Variants in PAXIP1 observed in about 807,000 individuals in gnomAD.
PAXIP1 encodes the protein PAX-interacting protein 1.
A neutral mutation model predicts 140.6 loss-of-function variants in PAXIP1; 19 were observed. That is an observed-to-expected ratio of 0.14 (90% CI 0.09 to 0.20). PAXIP1 has a LOEUF of 0.20. PAXIP1 is among the 10% of genes least tolerant of loss of function. The pLI is 1.00. For synonymous variants in PAXIP1, 442 were observed against 444.6 expected, an observed-to-expected ratio of 0.99 and a Z score of 0.07; for missense variants, 920 against 1,208.6, an observed-to-expected ratio of 0.76 and a Z score of 3.54.
Position 154,963,561 on chromosome 7 carries a change from T to A in PAXIP1, c.1989+110A>T, listed in dbSNP as rs1281099316. 8 of 702,020 alleles carry A rather than the reference T, an allele frequency of 1.1e-5. No homozygotes were observed. Among genetic ancestry groups the A allele is most frequent in the Non-Finnish European group, 1.5e-5 (6 of 399,166 alleles). The allele number at this position is 702,020 out of a possible 1,614,324, so 43.5% of individuals were successfully genotyped here. ...ACAGGAAGAAGGAATTTTCCTATCT[T>A]TAGAGGTAGAAAAAAGTTCTTTCCA... On this transcript the variant is annotated intron_variant, in intron 9 of 20. Transcript: ENST00000404141. This position sits in a 1 kb window ranked among gnomAD's most constrained non-coding sequence, Gnocchi z 4.1.
intron 5 of PAXIP1, 63 bp downstream of exon 5, chr7:154,983,156 A>T: frequency 1.3e-6 from 1 of 754,570 alleles, no homozygotes; most frequent in Non-Finnish European, 2.2e-6. Context: ...CTCAAAAAAG[A>T]CATGTGATTA....
At chr7:154,996,706 T>C (rs1563392495) in intron 2 of PAXIP1, among the ~76,000 whole-genome samples, 1 of 152,208 alleles carries the variant, frequency 6.6e-6, no homozygotes, top group Non-Finnish European at 1.5e-5. Context: ...GAAATATATA[T>C]TTATTATTTA....
At chr7:154,989,758 T>A (rs1388767374) in intron 4 of PAXIP1, among the ~76,000 whole-genome samples, 1 of 152,206 alleles carries the variant, frequency 6.6e-6, no homozygotes, top group Non-Finnish European at 1.5e-5. Flanking sequence ...TTTCAGATAT[T>A]TTATCTGGCT....
At chr7:154,987,003 G>A (rs1464844962) in intron 4 of PAXIP1, among the ~76,000 whole-genome samples, 1 of 152,354 alleles carries the variant, frequency 6.6e-6, no homozygotes, top group African/African-American at 2.4e-5. Context: ...GACAGTGGGT[G>A]AGCAGAGCCC....
intron 2 of PAXIP1, among the ~76,000 whole-genome samples, chr7:154,996,972 G>C (rs575015572): frequency 6.6e-6 from 1 of 152,150 alleles, no homozygotes; most frequent in Non-Finnish European, 1.5e-5. Context: ...ATGCAAAGCC[G>C]CTTTACTGAG....
Position 154,946,187 on chromosome 7 carries a change from T to C in PAXIP1, c.3194+178A>G. 1.0e-6 allele frequency: 1 copy of C among 983,414 alleles called. No homozygotes were observed. The highest frequency in any genetic ancestry group is 1.2e-6 in the Non-Finnish European group (1 of 828,048). The allele number at this position is 983,414 out of a possible 1,614,324, so 60.9% of individuals were successfully genotyped here. A position where few individuals can be genotyped will look rare whatever the true frequency, so the allele number is the denominator to read the frequency against. On this transcript the variant is annotated intron_variant, in intron 20 of 20. Transcript: ENST00000404141. This position sits in a 1 kb window ranked among gnomAD's most constrained non-coding sequence, Gnocchi z 4.9. ...GAACTCTCAGTAAGTTAAGAGAATATTTTTACTAGCAACTCAAATGAATAT... is the reference window on the plus strand; with the variant it reads ...GAACTCTCAGTAAGTTAAGAGAATACTTTTACTAGCAACTCAAATGAATAT...
Position 154,961,057 on chromosome 7 carries a change from T to G in PAXIP1, c.2270A>C (p.Glu757Ala), listed in dbSNP as rs1585047620. Residue 757 changes from glutamate to alanine, a missense_variant, in exon 12 of 21, where the codon GAA (glutamate) becomes GCA (alanine). By Grantham distance (107) the Glu-to-Ala change is moderately radical. Coordinates refer to ENST00000404141, the MANE Select transcript of PAXIP1 (RefSeq NM_007349.4). ...ICKEPTGLKYEKAKEWRIPCV... is the reference protein window; with the variant it reads ...ICKEPTGLKYAKAKEWRIPCV... Reference sequence around the variant, plus strand: ...GGGTATCCTCCACTCTTTGGCTTTTTCATACTTTAAACCAGTTGGTCTTTT... The same window carrying G: ...GGGTATCCTCCACTCTTTGGCTTTTGCATACTTTAAACCAGTTGGTCTTTT... 1 of 1,582,840 alleles carries G rather than the reference T, an allele frequency of 6.3e-7. No individual in the cohort carries two copies. Among genetic ancestry groups the G allele is most frequent in the Non-Finnish European group, 8.6e-7 (1 of 1,165,570 alleles).
At chr7:154,958,221 A>G (rs1808615074) in intron 13 of PAXIP1, among the ~76,000 whole-genome samples, 1 of 152,156 alleles carries the variant, frequency 6.6e-6, no homozygotes, top group Non-Finnish European at 1.5e-5. Flanking sequence ...TGCCAAGCAC[A>G]AAGAGAGCAG....
At chr7:154,977,575 G>T (rs1298182775) in intron 5 of PAXIP1, among the ~76,000 whole-genome samples, 1 of 152,160 alleles carries the variant, frequency 6.6e-6, no homozygotes, top group East Asian at 1.9e-4. Context: ...TTGTGTTTGT[G>T]AGTTTGTTCT....
intron 6 of PAXIP1, among the ~76,000 whole-genome samples, chr7:154,975,007 A>C (rs1809503787): frequency 6.6e-6 from 1 of 150,550 alleles, no homozygotes; most frequent in African/African-American, 2.4e-5. Flanking sequence ...AAAAAAAAAA[A>C]TTAGCCAGGC....
In PAXIP1 at chr7:154,963,772, C is replaced by G; in HGVS notation, c.1894-6G>C. ...CCGCCATGTGCCTGGATTATCTACACACAAAGACCCGACCAATGCAGTCAT... is the reference window on the plus strand; with the variant it reads ...CCGCCATGTGCCTGGATTATCTACAGACAAAGACCCGACCAATGCAGTCAT... On this transcript the variant is annotated splice_region_variant and splice_polypyrimidine_tract_variant and intron_variant, in intron 8 of 20. Transcript: ENST00000404141. This position sits in a 1 kb window ranked among gnomAD's most constrained non-coding sequence, Gnocchi z 4.1. 6.2e-7 allele frequency: 1 copy of G among 1,604,154 alleles called. No individual in the cohort carries two copies. The highest frequency in any genetic ancestry group is 8.5e-7 in the Non-Finnish European group (1 of 1,172,162).
chr7:154,961,536 A>G lies in PAXIP1; in HGVS notation c.2240T>C (p.Ile747Thr). 6.2e-7 allele frequency: 1 copy of G among 1,604,472 alleles called. No homozygotes were observed. The highest frequency in any genetic ancestry group is 8.5e-7 in the Non-Finnish European group (1 of 1,175,076). ...TCGAAAATTTGCTTACTCTTTACAG[A>G]TGAGGACTGTGTTGCTGCGGCATAG... ...GYLCRSNTVL[I>T]CKEPTGLKYE... Residue 747 changes from isoleucine (I) to threonine (T), a missense_variant, in exon 11 of 21, where the codon ATC becomes ACC. Physicochemically the swap from Ile to Thr is moderately conservative, Grantham distance 89. This residue lies in a region of PAXIP1 where 303 missense variants were observed against 517.9 expected (regional missense o/e 0.59). Coordinates refer to ENST00000404141, the MANE Select transcript of PAXIP1 (RefSeq NM_007349.4).
intron 2 of PAXIP1, among the ~76,000 whole-genome samples, chr7:154,994,586 T>C (rs1380529595): frequency 6.6e-6 from 1 of 152,274 alleles, no homozygotes; most frequent in South Asian, 2.1e-4. Context: ...CAGTCTTTGC[T>C]CTCCTGCAAG....
At chr7:154,971,268 C>A (rs1809308568) in intron 6 of PAXIP1, among the ~76,000 whole-genome samples, 1 of 152,102 alleles carries the variant, frequency 6.6e-6, no homozygotes, top group African/African-American at 2.4e-5. Context: ...CCCAGCCCAT[C>A]CACTGCTGAC....
chr7:154,948,904 A>G (rs1808133536), intron 16 of PAXIP1: 1 of 152,206 alleles, frequency 6.6e-6, no homozygotes, highest in African/African-American at 2.4e-5. Flanking sequence ...AAAAGTATAC[A>G]GCAATTTATA....
chr7:155,002,265 C>T (rs1810941192), intron 1 of PAXIP1, among the ~76,000 whole-genome samples: 1 of 152,228 alleles, frequency 6.6e-6, no homozygotes, highest in Admixed American at 6.5e-5. Context: ...TCAAGGAAGA[C>T]GAATGCCAGC....
At chr7:154,948,105 A>G in intron 16 of PAXIP1, 102 bp from the exon 17 acceptor site, 1 of 772,878 alleles carries the variant, frequency 1.3e-6, no homozygotes, top group South Asian at 1.4e-5. Context: ...ATAATATTAC[A>G]GCTACATTTA....
chr7:154,981,217 A>G (rs1030920807), intron 5 of PAXIP1, among the ~76,000 whole-genome samples: 6 of 152,178 alleles, frequency 3.9e-5, no homozygotes, highest in African/African-American at 1.4e-4. Context: ...TCAAGGGGAC[A>G]GCAGGACTTC....
At chr7:154,997,583 G>A (rs902620947) in intron 2 of PAXIP1, among the ~76,000 whole-genome samples, 2 of 152,208 alleles carry the variant, frequency 1.3e-5, no homozygotes, top group African/African-American at 4.8e-5. Flanking sequence ...AAATAAAATC[G>A]AAGCATTGGA....
Sources: gnomAD v4.1 joint callset for allele counts (sites outside exome capture counted in the v4.1 genomes callset) on GRCh38, gnomAD v4.1.1 for gene constraint, gnomAD v4.1.1 regional missense constraint, Gnocchi (gnomAD v3.1) non-coding constraint, MANE v1.5 for transcripts, NCBI Gene and HGNC (gene_info 2026-07-23, HGNC 2026-07-21) for gene names.